The following LONRF3 variants were observed in gnomAD, a reference collection of about 807,000 sequenced individuals.
LONRF3 encodes LON peptidase N-terminal domain and RING finger protein 3.
Under a neutral mutation model 51.7 loss-of-function variants are expected in LONRF3, and 19 were observed. The observed-to-expected ratio is 0.37, with a 90% CI of 0.26 to 0.54. The LOEUF (loss-of-function observed/expected upper bound fraction) is 0.54, where lower values mean the gene tolerates loss of function less well. Among genes scored for constraint, LONRF3 ranks in the 20% least tolerant of loss-of-function variants. The probability of loss-of-function intolerance (pLI) is 0.86; values close to 1 mark genes in which losing one functional copy is unlikely to be tolerated. For missense variants in LONRF3, 521 were observed against 623.9 expected, an observed-to-expected ratio of 0.84 and a Z score of 1.76; for synonymous variants, 265 against 257.8, an observed-to-expected ratio of 1.03 and a Z score of -0.27.
intron 6 of LONRF3, 44 bp from the exon 7 acceptor site, chrX:119,009,082 G>A (rs764414240): frequency 6.8e-5 from 77 of 1,130,024 alleles, no homozygotes; most frequent in East Asian, 9.1e-5. Flanking sequence ...TGATTGCTAC[G>A]TATTACCTAA....
At chrX:119,002,446 T>G (rs754440075) in intron 5 of LONRF3, among the ~76,000 whole-genome samples, 1 of 112,447 alleles carries the variant, frequency 8.9e-6, no homozygotes, top group Non-Finnish European at 1.9e-5. Flanking sequence ...TTATTGCATA[T>G]AGGTAAAGTT....
At chrX:118,978,998 CTTTTTTTTT>C (rs36016675) in intron 2 of LONRF3, among the ~76,000 whole-genome samples, 1 of 56,119 alleles carries the variant, frequency 1.8e-5, no homozygotes, top group African/African-American at 8.7e-5. Flanking sequence ...TGTTTTCTTT[CTTTTTTTTT>C]TTTTTTTTTT....
At chrX:119,017,420 C>A (rs995739085) in intron 10 of LONRF3, 115 bp from the exon 11 acceptor site, 1 of 705,680 alleles carries the variant, frequency 1.4e-6, no homozygotes, top group Non-Finnish European at 2.0e-6. Flanking sequence ...GGTCAATTAG[C>A]AATCTGCCAC....
chrX:119,016,443 G>A (rs1188874499), intron 10 of LONRF3, among the ~76,000 whole-genome samples: 7 of 106,101 alleles, frequency 6.6e-5, no homozygotes, highest in African/African-American at 1.4e-4. Context: ...CGCCTCCCAG[G>A]TTCACGCCAC....
At chrX:119,012,861 A>C in intron 8 of LONRF3, 178 bp from the exon 9 acceptor site, 1 of 1,175,354 alleles carries the variant, frequency 8.5e-7, no homozygotes, top group South Asian at 1.9e-5. Flanking sequence ...TACATTACGA[A>C]TTTTTTTTCT....
At chrX:118,987,450 T>TTTTTG (rs1923079504) in intron 3 of LONRF3, among the ~76,000 whole-genome samples, 1 of 82,322 alleles carries the variant, frequency 1.2e-5, no homozygotes, top group African/African-American at 4.5e-5. Flanking sequence ...GCTAAGTTTT[T>TTTTTG]TTTTTTTTTT....
In LONRF3 at chrX:119,010,357, G is replaced by C. The variant is rs1355825474; in HGVS notation, c.1652+1110G>C. On this transcript the variant is annotated intron_variant, in intron 7 of 10. Coordinates refer to ENST00000371628, the MANE Select transcript of LONRF3 (RefSeq NM_001031855.3). ...AATCCTAACAGCATTCCAGAGGCAAGGTTCCTGACAGCAAAAATGGTTCTG... is the reference window on the plus strand; with the variant it reads ...AATCCTAACAGCATTCCAGAGGCAACGTTCCTGACAGCAAAAATGGTTCTG... Among the ~76,000 whole-genome samples the C allele has an allele frequency of 2.7e-5, 3 of 111,683 alleles. No individual in the cohort carries two copies. In the East Asian group the frequency reaches 8.5e-4, roughly 32 times the overall value.
At chrX:118,983,736 C>T (rs1189738763) in intron 3 of LONRF3, among the ~76,000 whole-genome samples, 1 of 111,920 alleles carries the variant, frequency 8.9e-6, no homozygotes, top group Non-Finnish European at 1.9e-5. Flanking sequence ...CACTATTCAC[C>T]GCGGAGCCTT....
chrX:119,012,572 A>G (rs1415705410), intron 8 of LONRF3, among the ~76,000 whole-genome samples: 9 of 111,064 alleles, frequency 8.1e-5, no homozygotes. Flanking sequence ...TTATCATAAC[A>G]TAGTGGAAGG....
Position 118,974,867 on chromosome X carries a change from A to G in LONRF3, c.87A>G (p.Ser29=). The G allele has an allele frequency of 8.3e-7, 1 of 1,205,854 alleles. No homozygotes were observed. Among genetic ancestry groups the G allele is most frequent in the Non-Finnish European group, 1.1e-6 (1 of 893,069 alleles). The change falls in exon 1 of 11, where the codon TCA becomes TCG. Residue 29 remains serine, a synonymous_variant. Coordinates refer to ENST00000371628, the MANE Select transcript of LONRF3 (RefSeq NM_001031855.3). The part of the protein sequence containing the change: ...DNLESAERGA[S]AAQVDMGPHP... ...TGGAGTCGGCGGAGCGAGGGGCATC[A>G]GCGGCCCAAGTAGACATGGGCCCCC...
chrX:118,978,083 A>G (rs1342429974), intron 1 of LONRF3, among the ~76,000 whole-genome samples: 1 of 111,440 alleles, frequency 9.0e-6, no homozygotes, highest in Non-Finnish European at 1.9e-5. Context: ...CTAATGCACC[A>G]CTGACACCAC....
intron 3 of LONRF3, chrX:118,986,815 T>C: frequency 3.0e-6 from 2 of 657,413 alleles, no homozygotes; most frequent in Non-Finnish European, 4.5e-6. Flanking sequence ...CAAGGCTTCC[T>C]CCCTGGAGTT....
At chrX:118,988,523 T>C (rs1255473287) in intron 3 of LONRF3, among the ~76,000 whole-genome samples, 2 of 111,138 alleles carry the variant, frequency 1.8e-5, no homozygotes, top group Non-Finnish European at 1.9e-5. Context: ...ACCCACATTA[T>C]TTTTGTCCTC....
intron 5 of LONRF3, among the ~76,000 whole-genome samples, chrX:118,999,069 T>C (rs1411236748): frequency 8.9e-6 from 1 of 112,694 alleles, no homozygotes; most frequent in Non-Finnish European, 1.9e-5. Context: ...ATCATGTGCA[T>C]TTGTATTCTG....
chrX:118,983,049 G>A, intron 3 of LONRF3, 106 bp downstream of exon 3: 2 of 900,373 alleles, frequency 2.2e-6, no homozygotes, highest in Non-Finnish European at 3.1e-6. Flanking sequence ...TTGGGGTCCT[G>A]AGTGGGTGGT....
In LONRF3 at chrX:119,011,815, C is replaced by G. The variant is rs1269727322; in HGVS notation, c.1653C>G (p.Asn551Lys). 8.3e-7 allele frequency: 1 copy of G among 1,209,976 alleles called. No homozygotes were observed. The highest frequency in any genetic ancestry group is 1.8e-5 in the South Asian group (1 of 56,696). ...LYEEEMEELSNLNKNVPIFVC... is the reference protein window; with the variant it reads ...LYEEEMEELSKLNKNVPIFVC... ...CCCTGTCATTTTCTCTTTCTGACAG[C>G]CTTAATAAGAATGTGCCTATTTTCG... is the stretch of plus-strand genomic sequence containing the variant. Residue 551 changes from asparagine to lysine, a missense_variant and splice_region_variant, in exon 8 of 11, where the codon AAC (asparagine) becomes AAG (lysine). By Grantham distance (94) the Asn-to-Lys change is moderately conservative. Around this residue, in one of 2 missense-constraint regions of LONRF3, gnomAD observed 145 missense variants for 247.2 expected, o/e 0.59. Transcript: ENST00000371628.
chrX:119,016,316 T>C (rs1925443139), intron 10 of LONRF3, among the ~76,000 whole-genome samples: 1 of 107,116 alleles, frequency 9.3e-6, no homozygotes, highest in Admixed American at 1.0e-4. Context: ...AAAGGAAATC[T>C]AGGGGCAGAA....
At chrX:118,979,300 C>CTTTTTTTTTTTTTT (rs781007753) in intron 2 of LONRF3, among the ~76,000 whole-genome samples, 5 of 97,353 alleles carry the variant, frequency 5.1e-5, no homozygotes, top group African/African-American at 1.5e-4. Context: ...ACCGCGCTGG[C>CTTTTTTTTTTTTTT]TTTTTTTTTT....
rs767202719 is a variant in LONRF3, at chrX:119,017,740, G to T, written c.*50G>T. 1 of 1,088,224 alleles carries T rather than the reference G, an allele frequency of 9.2e-7. No homozygotes were observed. The highest frequency in any genetic ancestry group is 2.8e-5 in the Admixed American group (1 of 36,120). The allele number at this position is 1,088,224 out of a possible 1,213,427, so 89.7% of individuals were successfully genotyped here. A position where few individuals can be genotyped will look rare whatever the true frequency, so the allele number is the denominator to read the frequency against. On this transcript the variant is annotated 3_prime_UTR_variant, in exon 11 of 11. Transcript: ENST00000371628. ...CCCACCTTCCCCACTGCCGTCGGGG[G>T]GAGTCTTCTTGTAAATATATCTAAT...
Sources: allele counts gnomAD v4.1 joint callset (sites outside exome capture counted in the v4.1 genomes callset), GRCh38; gene constraint gnomAD v4.1.1; regional missense constraint gnomAD v4.1.1; transcripts MANE v1.5; gene names NCBI Gene and HGNC (gene_info 2026-07-23, HGNC 2026-07-21).